Variants in SPMIP7 observed in about 807,000 individuals in gnomAD.
SPMIP7 encodes protein SPMIP7.
chr7:50,112,689 A>C, the SPMIP7 span, among the ~76,000 whole-genome samples: 2 of 152,156 alleles, frequency 1.3e-5, no homozygotes, highest in Non-Finnish European at 2.9e-5. Context: ...AAAGAAGGGA[A>C]ACTAACGATG....
the SPMIP7 span, chr7:50,141,222 G>A: frequency 5.1e-6 from 6 of 1,167,882 alleles, no homozygotes; most frequent in Non-Finnish European, 7.5e-6. Context: ...ACTGTTCAAT[G>A]GTTTCTTCTA....
At chr7:50,100,941 C>A in the SPMIP7 span, among the ~76,000 whole-genome samples, 1 of 151,708 alleles carries the variant, frequency 6.6e-6, no homozygotes, top group Admixed American at 6.6e-5. Flanking sequence ...TGTTTAATTT[C>A]TATATATCTG....
chr7:50,102,611 T>C, the SPMIP7 span, among the ~76,000 whole-genome samples: 1 of 152,150 alleles, frequency 6.6e-6, no homozygotes, highest in African/African-American at 2.4e-5. Context: ...CTATCCAGCA[T>C]ACACTTGTTC....
the SPMIP7 span, among the ~76,000 whole-genome samples, chr7:50,157,941 C>A: frequency 3.3e-5 from 5 of 152,308 alleles, no homozygotes; most frequent in South Asian, 1.0e-3. Flanking sequence ...CTTGATAGGG[C>A]AAATTTATTC....
chr7:50,129,827 G>A, the SPMIP7 span: 3 of 1,388,866 alleles, frequency 2.2e-6, no homozygotes, highest in African/African-American at 1.4e-5. Flanking sequence ...TTTGATTTTG[G>A]AATATATTTC....
At chr7:50,134,218 G>C in the SPMIP7 span, 4 of 1,545,944 alleles carry the variant, frequency 2.6e-6, no homozygotes, top group Admixed American at 4.0e-5. Flanking sequence ...ACTCTGAAAA[G>C]ATATAAAGGG....
the SPMIP7 span, among the ~76,000 whole-genome samples, chr7:50,117,778 T>C: frequency 6.6e-6 from 1 of 152,232 alleles, no homozygotes; most frequent in Middle Eastern, 3.2e-3. Flanking sequence ...ATAAGTCAGT[T>C]TCTCCTGAGC....
At chr7:50,138,320 CA>C in the SPMIP7 span, among the ~76,000 whole-genome samples, 1 of 151,932 alleles carries the variant, frequency 6.6e-6, no homozygotes, top group Non-Finnish European at 1.5e-5. Context: ...TGAGCATTTG[CA>C]AAAATGAAGT....
chr7:50,117,186 C>G, the SPMIP7 span: 1 of 446,218 alleles, frequency 2.2e-6, no homozygotes, highest in Non-Finnish European at 4.5e-6. Context: ...TTATGACTTC[C>G]AAATTATGCT....
At chr7:50,142,373 C>T in the SPMIP7 span, 2 of 152,118 alleles carry the variant, frequency 1.3e-5, no homozygotes, top group Non-Finnish European at 2.9e-5. Context: ...TAAAAATGAA[C>T]CACTTAACTT....
chr7:50,142,039 C>T, the SPMIP7 span: 1 of 152,110 alleles, frequency 6.6e-6, no homozygotes, highest in Non-Finnish European at 1.5e-5. Flanking sequence ...AGAGGAATCA[C>T]TTTTACACAT....
the SPMIP7 span, among the ~76,000 whole-genome samples, chr7:50,121,819 A>G: frequency 8.4e-6 from 1 of 119,336 alleles, no homozygotes. Flanking sequence ...ATGCCCAGCT[A>G]ATTTTTGTTT....
At chr7:50,097,815 A>G in the SPMIP7 span, among the ~76,000 whole-genome samples, 1 of 152,196 alleles carries the variant, frequency 6.6e-6, no homozygotes, top group Admixed American at 6.5e-5. Context: ...GTTTCTTCAT[A>G]CATAAATTAG....
At chr7:50,138,095 C>T in the SPMIP7 span, among the ~76,000 whole-genome samples, 1 of 152,054 alleles carries the variant, frequency 6.6e-6, no homozygotes, top group Non-Finnish European at 1.5e-5. Flanking sequence ...AGATATCCTC[C>T]TTTTATAACT....
chr7:50,139,741 C>A, the SPMIP7 span, among the ~76,000 whole-genome samples: 1 of 152,116 alleles, frequency 6.6e-6, no homozygotes, highest in Non-Finnish European at 1.5e-5. Context: ...TATATGTGAA[C>A]GTTTATAACA....
chr7:50,141,504 A>G, the SPMIP7 span: 1 of 676,482 alleles, frequency 1.5e-6, no homozygotes, highest in African/African-American at 1.8e-5. Flanking sequence ...TTGCTGAAGA[A>G]GAAAGATACC....
At chr7:50,136,639 T>C in the SPMIP7 span, among the ~76,000 whole-genome samples, 7 of 152,286 alleles carry the variant, frequency 4.6e-5, no homozygotes, top group East Asian at 1.3e-3. Flanking sequence ...TAAAATAGAT[T>C]ATACATTATT....
chr7:50,107,391 G>GAAAAAA, the SPMIP7 span, among the ~76,000 whole-genome samples: 4 of 63,898 alleles, frequency 6.3e-5, no homozygotes, highest in Non-Finnish European at 8.6e-5. Flanking sequence ...AAAAAGAAAA[G>GAAAAAA]AAAAGAAAAA....
chr7:50,140,301 C>T, the SPMIP7 span: 47 of 530,826 alleles, frequency 8.9e-5, no homozygotes, highest in Admixed American at 1.7e-4. Flanking sequence ...TAACACATTT[C>T]TAATGTTTGT....
Sources: gnomAD v4.1 joint callset for allele counts (sites outside exome capture counted in the v4.1 genomes callset) on GRCh38, gnomAD v4.1.1 for gene constraint, MANE v1.5 for transcripts, NCBI Gene and HGNC (gene_info 2026-07-23, HGNC 2026-07-21) for gene names.